ERCC6: variants seen among roughly 807,000 people sequenced by gnomAD.
ERCC6 encodes DNA excision repair protein ERCC-6.
ERCC6 carries 116 observed loss-of-function variants against 158.7 expected under a neutral mutation model. The observed-to-expected ratio is 0.73, with a 90% confidence interval of 0.63 to 0.85. The LOEUF is 0.85. ERCC6 is among the 40% of genes least tolerant of loss of function. ERCC6 has a pLI of 0.00. For missense variants in ERCC6, 1,698 were observed against 1,799.4 expected (o/e 0.94, Z 1.02); for synonymous variants, 678 against 659.3 (o/e 1.03, Z -0.43).
chr10:49,491,917 T>C (rs534617515), intron 8 of ERCC6, among the ~76,000 whole-genome samples: 1 of 152,358 alleles, frequency 6.6e-6, no homozygotes, highest in Admixed American at 6.5e-5. Context: ...AGTTTAAGGT[T>C]TGACAAACAA....
the ERCC6 span, among the ~76,000 whole-genome samples, chr10:49,439,598 G>A: frequency 2.6e-5 from 4 of 152,122 alleles, no homozygotes; most frequent in Non-Finnish European, 5.9e-5. Flanking sequence ...TTGGCTCCTC[G>A]TTACTTTATG....
intron 18 of ERCC6, among the ~76,000 whole-genome samples, chr10:49,464,650 G>A (rs1194585430): frequency 6.6e-6 from 1 of 152,226 alleles, no homozygotes; most frequent in Non-Finnish European, 1.5e-5. Context: ...CCCATGCTGT[G>A]TGCAGCCTGG....
At chr10:49,452,514 TGAA>T (rs1389766423), downstream of ERCC6, among the ~76,000 whole-genome samples, 1 of 152,130 alleles carries the variant, frequency 6.6e-6, no homozygotes, top group Non-Finnish European at 1.5e-5. Context: ...AGGCCTATCC[TGAA>T]GAATGTTCTA....
rs1218881511 is a variant in ERCC6, at chr10:49,459,238, T to C, written c.4063-4A>G. Reference sequence around the variant, plus strand: ...CCTCCTTTTTCATGATGCCATCCTATAAAAAGAAGACCACTATACTGATAT... The same window carrying C: ...CCTCCTTTTTCATGATGCCATCCTACAAAAAGAAGACCACTATACTGATAT... On this transcript the variant is annotated splice_polypyrimidine_tract_variant and splice_region_variant and intron_variant, in intron 20 of 20. Transcript: ENST00000355832. 6.2e-7 allele frequency: 1 copy of C among 1,613,858 alleles called. No homozygotes were observed. The highest frequency in any genetic ancestry group is 8.5e-7 in the Non-Finnish European group (1 of 1,179,970).
rs146786861 is a variant in ERCC6 at position 49,474,062 on chromosome 10, C to T, written c.2563G>A (p.Gly855Ser). Residue 855 changes from glycine (G) to serine (S), a missense_variant, in exon 13 of 21, where the codon GGT becomes AGT. Transcript: ENST00000355832. ...TGAGAAAACAGCAATACTCGCTGACCCTGCTTGTGCCATATTTTCAACAAA... is the reference window on the plus strand; with the variant it reads ...TGAGAAAACAGCAATACTCGCTGACTCTGCTTGTGCCATATTTTCAACAAA... ...ESLLKIWHKQGQRVLLFSQSR... is the reference protein window; with the variant it reads ...ESLLKIWHKQSQRVLLFSQSR... The T allele has an allele frequency of 1.2e-5, 19 of 1,614,068 alleles. No homozygotes were observed. Among genetic ancestry groups the T allele is most frequent in the African/African-American group, 2.7e-5 (2 of 75,022 alleles).
intron 7 of ERCC6, among the ~76,000 whole-genome samples, chr10:49,495,015 G>A (rs4838523): frequency 0.85 from 128,791 of 152,106 alleles, 55,005 homozygotes; most frequent in East Asian, 1. Context: ...ATCCTGATAC[G>A]TCCTACACTG....
At chr10:49,473,144 T>C (rs1850811504) in intron 14 of ERCC6, 116 bp from the exon 15 acceptor site, 1 of 1,401,960 alleles carries the variant, frequency 7.1e-7, no homozygotes, top group African/African-American at 1.4e-5. Flanking sequence ...ATATAAGGAA[T>C]GGTAATGTCC....
downstream of ERCC6, among the ~76,000 whole-genome samples, chr10:49,452,731 CT>C (rs139334255): frequency 2.6e-3 from 395 of 152,164 alleles, no homozygotes; most frequent in African/African-American, 9.2e-3. Context: ...TCAGTTTTTG[CT>C]TTCTGTGTTT....
At chr10:49,513,837 T>A (rs866180682) in intron 5 of ERCC6, among the ~76,000 whole-genome samples, 1 of 151,938 alleles carries the variant, frequency 6.6e-6, no homozygotes, top group East Asian at 1.9e-4. Context: ...TCAATACTAT[T>A]GTTATTCTCT....
chr10:49,460,022 G>C, intron 20 of ERCC6: 1 of 366,110 alleles, frequency 2.7e-6, no homozygotes, highest in Non-Finnish European at 5.2e-6. Flanking sequence ...CAACATTCAA[G>C]GCAGTTTTCT....
chr10:49,517,352 G>A (rs1427403879), intron 5 of ERCC6, among the ~76,000 whole-genome samples: 1 of 152,168 alleles, frequency 6.6e-6, no homozygotes, highest in Admixed American at 6.5e-5. Flanking sequence ...ACTCAAAAAT[G>A]TTTCTGAAAA....
Position 49,455,620 on chromosome 10 carries a change from G to A in ERCC6, c.*3195C>T, listed in dbSNP as rs552236895. Reference sequence around the variant, plus strand: ...TGAAAGCTGACATTTTAAACTGGTGGAGAAAAGAATATTTGTTGATCATTG... The same window carrying A: ...TGAAAGCTGACATTTTAAACTGGTGAAGAAAAGAATATTTGTTGATCATTG... On this transcript the variant is annotated 3_prime_UTR_variant, in exon 21 of 21. Coordinates refer to ENST00000355832, the MANE Select transcript of ERCC6 (RefSeq NM_000124.4). 45 of 152,328 alleles carry A rather than the reference G, an allele frequency of 3.0e-4. No individual in the cohort carries two copies. Among genetic ancestry groups the A allele is most frequent in the African/African-American group, 1.0e-3 (43 of 41,562 alleles). The allele number at this position is 152,328 out of a possible 1,614,324, so 9.4% of individuals were successfully genotyped here.
chr10:49,538,106 G>A (rs1029586068), intron 1 of ERCC6, among the ~76,000 whole-genome samples: 2 of 152,210 alleles, frequency 1.3e-5, no homozygotes, highest in East Asian at 1.9e-4. Context: ...GAAGGGCTCC[G>A]TTCATGGCCT....
At chr10:49,444,135 C>T in the ERCC6 span, among the ~76,000 whole-genome samples, 2 of 152,196 alleles carry the variant, frequency 1.3e-5, no homozygotes, top group African/African-American at 2.4e-5. Flanking sequence ...CCTTCCCCTG[C>T]CCTTGCCATG....
chr10:49,510,421 T>C (rs1171913118), intron 5 of ERCC6, among the ~76,000 whole-genome samples: 7 of 151,906 alleles, frequency 4.6e-5, no homozygotes, highest in African/African-American at 1.7e-4. Flanking sequence ...CCCTTACATA[T>C]CCACACATTC....
chr10:49,488,341 A>T, intron 8 of ERCC6: 1 of 154,932 alleles, frequency 6.5e-6, no homozygotes, highest in Middle Eastern at 5.6e-4. Context: ...ATTCACAGGA[A>T]ACACAGTACA....
At position 49,532,638 on chromosome 10, in the gene ERCC6, C is replaced by G; in HGVS notation, c.327G>C (p.Val109=). Residue 109 remains valine, a synonymous_variant, in exon 2 of 21, where the codon GTG becomes GTC. Transcript: ENST00000355832. ...GGATGGCATTGTCCACCTGCTGAAG[C>G]ACTCCCTGTTCCAGCACGTCCTGGT... is the stretch of plus-strand genomic sequence containing the variant. ...VYDQDVLEQG[V]LQQVDNAIHE... The G allele has an allele frequency of 6.2e-7, 1 of 1,614,214 alleles. No homozygotes were observed. The highest frequency in any genetic ancestry group is 8.5e-7 in the Non-Finnish European group (1 of 1,180,032).
the ERCC6 span, among the ~76,000 whole-genome samples, chr10:49,434,940 A>G: frequency 6.6e-6 from 1 of 152,242 alleles, no homozygotes; most frequent in Non-Finnish European, 1.5e-5. Flanking sequence ...ATGTTTGTAT[A>G]CTGATGAAAA....
chr10:49,538,834 T>C (rs1319505803), intron 1 of ERCC6, 128 bp downstream of exon 1: 1 of 152,228 alleles, frequency 6.6e-6, no homozygotes, highest in Non-Finnish European at 1.5e-5. Context: ...CCCGCTACAG[T>C]GCGTCCTCGC....
Sources: allele counts gnomAD v4.1 joint callset (sites outside exome capture counted in the v4.1 genomes callset), GRCh38; gene constraint gnomAD v4.1.1; transcripts MANE v1.5; gene names NCBI Gene and HGNC (gene_info 2026-07-23, HGNC 2026-07-21).